The following GRM5 variants were observed in gnomAD, a reference collection of about 807,000 sequenced individuals.
GRM5 encodes glutamate metabotropic receptor 5.
GRM5 carries 19 observed loss-of-function variants against 83.1 expected under a neutral mutation model. The ratio of observed to expected loss-of-function variants is 0.23; its 90% CI spans 0.16 to 0.34. GRM5 has a LOEUF of 0.34. Among genes scored for constraint, GRM5 ranks in the 10% least tolerant of loss-of-function variants. The probability of loss-of-function intolerance (pLI) is 1.00; values close to 1 mark genes in which losing one functional copy is unlikely to be tolerated. For missense variants in GRM5, 1,160 were observed against 1,588.3 expected (o/e 0.73, Z 4.58); for synonymous variants, 675 against 633.6 (o/e 1.07, Z -0.98).
At chr11:88,518,109 T>C (rs2135092487) in intron 9 of GRM5, among the ~76,000 whole-genome samples, 1 of 152,030 alleles carries the variant, frequency 6.6e-6, no homozygotes, top group South Asian at 2.1e-4. Context: ...TGTATTACAT[T>C]TTTTACAGGC....
chr11:88,954,386 A>C (rs1281478905), intron 2 of GRM5, among the ~76,000 whole-genome samples: 2 of 152,002 alleles, frequency 1.3e-5, no homozygotes, highest in African/African-American at 4.8e-5. Flanking sequence ...TTTTTGCTTA[A>C]CATTTGTGTG....
chr11:88,867,871 T>G (rs1944700132), intron 2 of GRM5, among the ~76,000 whole-genome samples: 1 of 151,850 alleles, frequency 6.6e-6, no homozygotes, highest in Admixed American at 6.6e-5. Context: ...AGTCTATTGG[T>G]TTGTTGTTAT....
At chr11:88,831,694 T>C (rs569049424) in intron 3 of GRM5, among the ~76,000 whole-genome samples, 31 of 152,140 alleles carry the variant, frequency 2.0e-4, no homozygotes, top group Non-Finnish European at 4.0e-4. Flanking sequence ...ACAGCTGGCA[T>C]CTATCCACAC....
intron 4 of GRM5, among the ~76,000 whole-genome samples, chr11:88,621,872 C>A (rs1469479534): frequency 6.6e-6 from 1 of 151,948 alleles, no homozygotes; most frequent in Admixed American, 6.6e-5. Flanking sequence ...AGAATTGAAC[C>A]AGAAAATGCA....
At chr11:88,571,627 A>G (rs1248482775) in intron 7 of GRM5, among the ~76,000 whole-genome samples, 1 of 152,208 alleles carries the variant, frequency 6.6e-6, no homozygotes, top group Admixed American at 6.5e-5. Flanking sequence ...AGGAATCTTT[A>G]TTTTGAATAA....
chr11:88,987,479 C>T (rs1445177092), intron 2 of GRM5, among the ~76,000 whole-genome samples: 3 of 151,828 alleles, frequency 2.0e-5, no homozygotes, highest in Non-Finnish European at 2.9e-5. Flanking sequence ...ACAAAGCAGC[C>T]AGGAAGCTCG....
chr11:88,775,192 T>C, intron 3 of GRM5, among the ~76,000 whole-genome samples: 1 of 152,220 alleles, frequency 6.6e-6, no homozygotes. Context: ...TCCAGGAATT[T>C]ATCCATTTCT....
At position 88,504,881 on chromosome 11, in the gene GRM5, AAAGT is replaced by A. The variant is rs1371794141; in HGVS notation, c.*3707_*3710del. The stretch of plus-strand genomic sequence containing the variant: ...ACCAAATCAGTTATAAGTGCAGAAA[AAAGT>A]AAGTACAAGCACTTTTAGCCCACAC... On this transcript the variant is annotated 3_prime_UTR_variant, in exon 10 of 10. Coordinates refer to ENST00000305447, the MANE Select transcript of GRM5 (RefSeq NM_001143831.3). The A allele has an allele frequency of 8.5e-5, 13 of 152,312 alleles. No homozygotes were observed. Among genetic ancestry groups the A allele is most frequent in the South Asian group, 6.2e-4 (3 of 4,828 alleles). The allele number at this position is 152,312 out of a possible 1,614,324, so 9.4% of individuals were successfully genotyped here.
intron 3 of GRM5, among the ~76,000 whole-genome samples, chr11:88,708,446 A>C (rs1267004867): frequency 6.6e-6 from 1 of 152,120 alleles, no homozygotes; most frequent in Non-Finnish European, 1.5e-5. Flanking sequence ...AAGCAAAGCA[A>C]CATAATATAA....
At chr11:88,701,157 G>A (rs923659910) in intron 3 of GRM5, among the ~76,000 whole-genome samples, 1 of 152,156 alleles carries the variant, frequency 6.6e-6, no homozygotes, top group Non-Finnish European at 1.5e-5. Context: ...GCCACTGTAG[G>A]CTTCTTGAAT....
intron 1 of GRM5, among the ~76,000 whole-genome samples, 166 bp downstream of exon 1, chr11:89,065,610 C>T (rs1318055024): frequency 6.6e-6 from 1 of 152,150 alleles, no homozygotes; most frequent in East Asian, 1.9e-4. Context: ...GTTCCTGGCT[C>T]TACCAGCCCT....
intron 4 of GRM5, among the ~76,000 whole-genome samples, chr11:88,618,709 G>A (rs1938551401): frequency 6.6e-6 from 1 of 152,010 alleles, no homozygotes; most frequent in African/African-American, 2.4e-5. Flanking sequence ...AGTCTTAAGT[G>A]CGCATAATAA....
intron 3 of GRM5, among the ~76,000 whole-genome samples, chr11:88,704,281 C>A (rs551534312): frequency 2.4e-4 from 37 of 152,102 alleles, no homozygotes; most frequent in African/African-American, 8.9e-4. Context: ...CATAGCAGTA[C>A]CTATTTTAAG....
chr11:88,679,917 C>T (rs970925316), intron 3 of GRM5, among the ~76,000 whole-genome samples: 4 of 113,820 alleles, frequency 3.5e-5, no homozygotes, highest in African/African-American at 1.4e-4. Context: ...TCTTCATCTT[C>T]TTAATCTGTT....
At chr11:89,055,402 T>C (rs1941851497) in intron 1 of GRM5, among the ~76,000 whole-genome samples, 1 of 152,198 alleles carries the variant, frequency 6.6e-6, no homozygotes, top group Non-Finnish European at 1.5e-5. Flanking sequence ...CCTGGCAGTG[T>C]TTGCTCTATC....
chr11:89,041,261 CA>C (rs1941526865), intron 2 of GRM5, among the ~76,000 whole-genome samples: 6 of 152,304 alleles, frequency 3.9e-5, no homozygotes, highest in Admixed American at 3.9e-4. Flanking sequence ...TGCACATCAC[CA>C]GAGATATTTC....
intron 2 of GRM5, among the ~76,000 whole-genome samples, chr11:88,859,028 C>A (rs549165929): frequency 6.6e-6 from 1 of 151,786 alleles, no homozygotes. Flanking sequence ...GAAGAGAAAC[C>A]AAGATAATAT....
intron 2 of GRM5, among the ~76,000 whole-genome samples, chr11:89,015,105 T>G (rs185268983): frequency 6.8e-4 from 104 of 152,354 alleles, no homozygotes; most frequent in African/African-American, 2.3e-3. Context: ...GTTTACATAT[T>G]ACATAACTTA....
intron 7 of GRM5, among the ~76,000 whole-genome samples, chr11:88,580,329 A>C (rs961069690): frequency 1.3e-5 from 2 of 152,076 alleles, no homozygotes; most frequent in South Asian, 4.2e-4. Flanking sequence ...AATGACATGA[A>C]TGAAACTGGG....
Sources: gnomAD v4.1 joint callset for allele counts (sites outside exome capture counted in the v4.1 genomes callset) on GRCh38, gnomAD v4.1.1 for gene constraint, MANE v1.5 for transcripts, NCBI Gene and HGNC (gene_info 2026-07-23, HGNC 2026-07-21) for gene names.